DYSF: variants seen among roughly 807,000 people sequenced by gnomAD.
The protein encoded by DYSF is dystrophy-associated fer-1-like 1.
DYSF carries 212 observed loss-of-function variants against 274.9 expected under a neutral mutation model. The observed-to-expected ratio is 0.77, with a 90% confidence interval of 0.69 to 0.86. The LOEUF (loss-of-function observed/expected upper bound fraction) is 0.86, where lower values mean the gene tolerates loss of function less well. DYSF is among the 40% of genes least tolerant of loss of function. DYSF has a pLI of 0.00. For synonymous variants in DYSF, 1,091 were observed against 1,078.7 expected, an observed-to-expected ratio of 1.01 and a Z score of -0.22; for missense variants, 2,666 against 2,783.2, an observed-to-expected ratio of 0.96 and a Z score of 0.95.
intron 36 of DYSF, 115 bp downstream of exon 36, chr2:71,602,920 A>C (rs1197222445): frequency 8.6e-6 from 11 of 1,277,398 alleles, no homozygotes; most frequent in East Asian, 2.4e-5. Flanking sequence ...GGCATCTGTC[A>C]CATGGAGACC....
intron 36 of DYSF, among the ~76,000 whole-genome samples, chr2:71,604,379 C>T (rs1455316983): frequency 6.6e-6 from 1 of 151,490 alleles, no homozygotes; most frequent in Non-Finnish European, 1.5e-5. Context: ...TTTCTGTCTT[C>T]TTTGCTGTGA....
chr2:71,533,440 A>G (rs2152758873), intron 14 of DYSF, among the ~76,000 whole-genome samples: 2 of 152,330 alleles, frequency 1.3e-5, no homozygotes, highest in Middle Eastern at 3.4e-3. Context: ...ACCTAGAGGC[A>G]TCCTCATTCT....
intron 18 of DYSF, 73 bp from the exon 19 acceptor site, chr2:71,551,534 C>T (rs1344219630): frequency 7.6e-7 from 1 of 1,319,160 alleles, no homozygotes; most frequent in Non-Finnish European, 1.1e-6. Context: ...TACCTCAGGG[C>T]CAGAGGGTGC....
chr2:71,682,444 C>T (rs549973544), intron 54 of DYSF, 86 bp from the exon 55 acceptor site: 1 of 1,562,962 alleles, frequency 6.4e-7, no homozygotes, highest in African/African-American at 1.4e-5. Flanking sequence ...GAGGGCCAGG[C>T]CATTGGACCT....
chr2:71,476,103 T>C (rs1176883698), intron 1 of DYSF, among the ~76,000 whole-genome samples: 1 of 152,140 alleles, frequency 6.6e-6, no homozygotes, highest in Non-Finnish European at 1.5e-5. Flanking sequence ...TACATGGAAC[T>C]TGGGGGGATC....
chr2:71,550,119 T>C (rs1221193809), intron 17 of DYSF, among the ~76,000 whole-genome samples: 1 of 152,232 alleles, frequency 6.6e-6, no homozygotes, highest in Non-Finnish European at 1.5e-5. Context: ...TTGTGTGGAC[T>C]GATTGGGTCG....
intron 42 of DYSF, among the ~76,000 whole-genome samples, chr2:71,646,128 G>A (rs1572935965): frequency 1.3e-5 from 2 of 152,228 alleles, no homozygotes; most frequent in African/African-American, 4.8e-5. Flanking sequence ...CAGCAGCTGC[G>A]ATCCTCAGGC....
chr2:71,501,326 G>C (rs1050638940), intron 3 of DYSF, among the ~76,000 whole-genome samples: 1 of 152,204 alleles, frequency 6.6e-6, no homozygotes, highest in Non-Finnish European at 1.5e-5. Context: ...AGGCGGCAGA[G>C]TCTGTTGCTT....
upstream of DYSF, among the ~76,000 whole-genome samples, chr2:71,464,537 T>C (rs1461927139): frequency 2.0e-5 from 3 of 152,076 alleles, no homozygotes; most frequent in Non-Finnish European, 4.4e-5. Context: ...ACAGAGACCC[T>C]GGGGAGGCGC....
At position 71,664,388 on chromosome 2, in the gene DYSF, G is replaced by A; in HGVS notation, c.5124G>A (p.Arg1708=). ...IGETVVDLEN[R]LLSKFGARCG... ...AGACGGTCGTCGACCTGGAGAACAGGCTGCTGTCCAAGTTTGGGGCTCGCT... is the reference window on the plus strand; with the variant it reads ...AGACGGTCGTCGACCTGGAGAACAGACTGCTGTCCAAGTTTGGGGCTCGCT... The change falls in exon 46 of 56, where the codon AGG becomes AGA. Residue 1708 remains arginine (R), a synonymous_variant. Coordinates refer to ENST00000410020, the MANE Select transcript of DYSF (RefSeq NM_001130987.2). 6.2e-7 allele frequency: 1 copy of A among 1,614,178 alleles called. No individual in the cohort carries two copies. Among genetic ancestry groups the A allele is most frequent in the Non-Finnish European group, 8.5e-7 (1 of 1,180,036 alleles).
intron 3 of DYSF, among the ~76,000 whole-genome samples, chr2:71,488,107 C>CA (rs1264095600): frequency 0.032 from 4,488 of 142,224 alleles, 201 homozygotes; most frequent in African/African-American, 0.1. Context: ...TAATGTCAAC[C>CA]AAAAAAAAAA....
chr2:71,475,262 C>A (rs770124525), intron 1 of DYSF, among the ~76,000 whole-genome samples: 1 of 152,180 alleles, frequency 6.6e-6, no homozygotes, highest in African/African-American at 2.4e-5. Flanking sequence ...CTGGAAACAG[C>A]GCTTCTATCC....
chr2:71,638,961 G>C (rs565104157), intron 41 of DYSF, among the ~76,000 whole-genome samples: 1 of 152,126 alleles, frequency 6.6e-6, no homozygotes, highest in Non-Finnish European at 1.5e-5. Flanking sequence ...AGTGTACAAG[G>C]GTTCCAATTT....
rs72898896 is a variant in DYSF at position 71,513,241 on chromosome 2, C to A, written c.462C>A (p.Gly154=). The change falls in exon 6 of 56, where the codon GGC becomes GGA. Residue 154 remains glycine (G), a splice_region_variant and synonymous_variant. Transcript: ENST00000410020. ...GGTTATGCCCTGCCCACAAGACAGGCGGGGGACAGAGCCGGGCCGAGACTT... is the reference window on the plus strand; with the variant it reads ...GGTTATGCCCTGCCCACAAGACAGGAGGGGGACAGAGCCGGGCCGAGACTT... ...PTLPDLDVVA[G]GGQSRAETWS... 3.9e-6 allele frequency: 6 copies of A among 1,551,406 alleles called. No individual in the cohort carries two copies. In the East Asian group the frequency reaches 1.2e-4, roughly 32 times the overall value.
At chr2:71,501,173 C>G (rs1275761368) in intron 3 of DYSF, among the ~76,000 whole-genome samples, 1 of 152,074 alleles carries the variant, frequency 6.6e-6, no homozygotes, top group Admixed American at 6.5e-5. Flanking sequence ...AAATATGGCT[C>G]CTAACACTGT....
At chr2:71,549,704 C>T (rs1422675612) in intron 17 of DYSF, among the ~76,000 whole-genome samples, 2 of 146,182 alleles carry the variant, frequency 1.4e-5, no homozygotes, top group Non-Finnish European at 3.0e-5. Flanking sequence ...GCATGGGGGT[C>T]TGGAGTGGGG....
chr2:71,465,096 G>A (rs1412326633), upstream of DYSF, among the ~76,000 whole-genome samples: 2 of 152,140 alleles, frequency 1.3e-5, no homozygotes, highest in Non-Finnish European at 2.9e-5. Flanking sequence ...AGGGGATGTG[G>A]GGTCAACGGT....
chr2:71,499,972 G>A (rs1408818118), intron 3 of DYSF, among the ~76,000 whole-genome samples: 1 of 152,174 alleles, frequency 6.6e-6, no homozygotes, highest in Non-Finnish European at 1.5e-5. Context: ...TGAGCCTCTG[G>A]AATCCTGTCT....
chr2:71,514,144 G>A (rs2086405205), intron 7 of DYSF, among the ~76,000 whole-genome samples: 1 of 88,032 alleles, frequency 1.1e-5, no homozygotes, highest in Non-Finnish European at 2.3e-5. Flanking sequence ...GTGGTTTTGC[G>A]CTTAAAAAAA....
Sources: allele counts gnomAD v4.1 joint callset (sites outside exome capture counted in the v4.1 genomes callset), GRCh38; gene constraint gnomAD v4.1.1; transcripts MANE v1.5; gene names NCBI Gene and HGNC (gene_info 2026-07-23, HGNC 2026-07-21).